Variants in LINGO2 observed in about 807,000 individuals in gnomAD.
LINGO2 encodes leucine rich repeat and Ig domain containing 2.
Under a neutral mutation model 30.6 loss-of-function variants are expected in LINGO2, and 14 were observed. The observed-to-expected ratio is 0.46, with a 90% CI of 0.30 to 0.72. LINGO2 has a LOEUF of 0.72. Among genes scored for constraint, LINGO2 ranks in the 30% least tolerant of loss-of-function variants. The pLI is 0.07. For missense variants in LINGO2, 729 were observed against 751.7 expected (o/e 0.97, Z 0.35); for synonymous variants, 317 against 288.5 (o/e 1.10, Z -1.00).
intron 2 of LINGO2, among the ~76,000 whole-genome samples, chr9:28,457,247 C>A (rs1386566668): frequency 6.6e-6 from 1 of 152,156 alleles, no homozygotes; most frequent in Non-Finnish European, 1.5e-5. Flanking sequence ...CTTTTCCTTG[C>A]AAGGGACCAA....
At chr9:28,187,446 C>G (rs1022213948) in intron 4 of LINGO2, among the ~76,000 whole-genome samples, 1 of 148,976 alleles carries the variant, frequency 6.7e-6, no homozygotes, top group East Asian at 2.0e-4. Context: ...GCTGAGATGG[C>G]GCCACTGTAC....
chr9:28,472,338 T>C (rs1400961910), intron 2 of LINGO2, among the ~76,000 whole-genome samples: 2 of 151,908 alleles, frequency 1.3e-5, no homozygotes, highest in Admixed American at 6.6e-5. Context: ...TTTTTTAATA[T>C]GTAGGTTCAC....
chr9:28,361,063 G>A (rs989338760), intron 3 of LINGO2, among the ~76,000 whole-genome samples: 5 of 152,120 alleles, frequency 3.3e-5, no homozygotes, highest in Admixed American at 1.3e-4. Context: ...ATTCAGCTCC[G>A]TCCAACCTGG....
chr9:28,906,330 G>C, the LINGO2 span, among the ~76,000 whole-genome samples: 1 of 151,828 alleles, frequency 6.6e-6, no homozygotes, highest in Non-Finnish European at 1.5e-5. Context: ...AAGTATGTGA[G>C]TTAATATATG....
chr9:27,948,712 T>A (rs1823466843), exon 6 of LINGO2: 3 of 955,522 alleles, frequency 3.1e-6, no homozygotes, highest in Non-Finnish European at 4.8e-6. Flanking sequence ...CCATTGGAAG[T>A]CCTCCTGCTT....
chr9:29,155,901 A>G, the LINGO2 span, among the ~76,000 whole-genome samples: 1 of 152,058 alleles, frequency 6.6e-6, no homozygotes, highest in Non-Finnish European at 1.5e-5. Flanking sequence ...TAAAATGAAA[A>G]CAAACAAAAA....
intron 4 of LINGO2, among the ~76,000 whole-genome samples, chr9:28,228,238 G>A (rs934060857): frequency 4.0e-5 from 6 of 151,856 alleles, no homozygotes; most frequent in Non-Finnish European, 7.4e-5. Flanking sequence ...AATCACTGCA[G>A]GAATACCTGT....
chr9:29,122,061 C>T, the LINGO2 span, among the ~76,000 whole-genome samples: 1 of 151,748 alleles, frequency 6.6e-6, no homozygotes. Flanking sequence ...TTCTGTACTA[C>T]TGTTTTTTAA....
chr9:29,137,952 A>G, the LINGO2 span, among the ~76,000 whole-genome samples: 1 of 152,214 alleles, frequency 6.6e-6, no homozygotes, highest in South Asian at 2.1e-4. Flanking sequence ...ATTATCATGT[A>G]AAGTGCTTCA....
At chr9:29,104,730 T>C in the LINGO2 span, among the ~76,000 whole-genome samples, 1 of 152,212 alleles carries the variant, frequency 6.6e-6, no homozygotes, top group African/African-American at 2.4e-5. Flanking sequence ...TCTTCTGTTA[T>C]AATATTGTAG....
chr9:28,076,588 C>A (rs1037336166), intron 4 of LINGO2, among the ~76,000 whole-genome samples: 2 of 151,740 alleles, frequency 1.3e-5, no homozygotes, highest in Non-Finnish European at 2.9e-5. Flanking sequence ...TTCCTTTCTT[C>A]ATGTCAGATT....
the LINGO2 span, among the ~76,000 whole-genome samples, chr9:28,810,278 T>C: frequency 6.6e-6 from 1 of 152,190 alleles, no homozygotes; most frequent in South Asian, 2.1e-4. Context: ...AAAATACATT[T>C]ATAAAGTCAG....
At chr9:28,316,817 T>G (rs566886874) in intron 3 of LINGO2, among the ~76,000 whole-genome samples, 5 of 152,282 alleles carry the variant, frequency 3.3e-5, no homozygotes, top group Admixed American at 2.0e-4. Context: ...ACGTTTAATC[T>G]GACACCAGGA....
chr9:29,113,839 C>A, the LINGO2 span, among the ~76,000 whole-genome samples: 1 of 151,926 alleles, frequency 6.6e-6, no homozygotes, highest in African/African-American at 2.4e-5. Context: ...TGGTCAAGAG[C>A]GAGGTGATAA....
intron 3 of LINGO2, among the ~76,000 whole-genome samples, chr9:28,317,823 C>A (rs570995892): frequency 3.3e-5 from 5 of 152,250 alleles, no homozygotes; most frequent in African/African-American, 9.6e-5. Flanking sequence ...TAATTTAAGT[C>A]ACAGTTCTGT....
chr9:29,036,603 G>A, the LINGO2 span, among the ~76,000 whole-genome samples: 1 of 152,028 alleles, frequency 6.6e-6, no homozygotes, highest in East Asian at 1.9e-4. Context: ...ATGGAAGAGT[G>A]TACTTTGGGA....
At chr9:28,478,804 TAA>T (rs1825823768) in intron 1 of LINGO2, among the ~76,000 whole-genome samples, 2 of 152,064 alleles carry the variant, frequency 1.3e-5, no homozygotes, top group Admixed American at 6.5e-5. Flanking sequence ...GCCTTGAAGA[TAA>T]GTGTGCACCC....
the LINGO2 span, among the ~76,000 whole-genome samples, chr9:29,171,269 T>A: frequency 2.6e-5 from 4 of 152,098 alleles, no homozygotes; most frequent in African/African-American, 9.7e-5. Context: ...CACATAAACC[T>A]AAACCAACTG....
At chr9:28,685,808 T>C in the LINGO2 span, among the ~76,000 whole-genome samples, 10 of 152,166 alleles carry the variant, frequency 6.6e-5, no homozygotes, top group African/African-American at 1.2e-4. Flanking sequence ...TGTGTGCAGG[T>C]ATGTGAGTCT....
Sources: gnomAD v4.1 joint callset for allele counts (sites outside exome capture counted in the v4.1 genomes callset) on GRCh38, gnomAD v4.1.1 for gene constraint, MANE v1.5 for transcripts, NCBI Gene and HGNC (gene_info 2026-07-23, HGNC 2026-07-21) for gene names.